ZNF444: variants seen among roughly 807,000 people sequenced by gnomAD.
The protein encoded by ZNF444 is zinc finger protein 444.
In ZNF444, 8 loss-of-function variants were observed where a neutral mutation model predicts 14.4. The ratio of observed to expected loss-of-function variants is 0.56; its 90% CI spans 0.33 to 1.00. The LOEUF (loss-of-function observed/expected upper bound fraction) is 1.00, where lower values mean the gene tolerates loss of function less well. ZNF444 is among the 50% of genes least tolerant of loss of function. The pLI, the probability that ZNF444 is intolerant of heterozygous loss-of-function variation, is 0.03. For missense variants in ZNF444, 510 were observed against 504.8 expected (o/e 1.01, Z -0.10); for synonymous variants, 258 against 235.9 (o/e 1.09, Z -0.86).
At chr19:56,132,922 T>TC (rs1415040686) in intron 1 of ZNF444, 2 of 77,120 alleles carry the variant, frequency 2.6e-5, no homozygotes, top group Non-Finnish European at 5.7e-5. Flanking sequence ...TCTTTTTCTT[T>TC]CTTTCTTTCT....
At chr19:56,132,866 C>A (rs2030512094) in intron 1 of ZNF444, 1 of 152,068 alleles carries the variant, frequency 6.6e-6, no homozygotes, top group African/African-American at 2.4e-5. Flanking sequence ...GGTGGAAAAC[C>A]TGCTGCCGGA....
upstream of ZNF444, among the ~76,000 whole-genome samples, chr19:56,136,863 C>A (rs922230434): frequency 3.4e-4 from 52 of 152,074 alleles, 2 homozygotes; most frequent in Non-Finnish European, 8.8e-5. Context: ...CTCACCGCAA[C>A]CTCTGCCTCC....
In ZNF444 at chr19:56,159,896, G is replaced by C; in HGVS notation, c.679G>C (p.Asp227His). The change falls in exon 5 of 5, where the codon GAC becomes CAC. Residue 227 changes from aspartate to histidine, a missense_variant. Coordinates refer to ENST00000337080, the MANE Select transcript of ZNF444 (RefSeq NM_018337.4). Reference sequence around the variant, plus strand: ...CAAGGAGCACCTGCGGCGCCACCGCGACACGCACCCCGGCAGCCCCGGCAG... The same window carrying C: ...CAAGGAGCACCTGCGGCGCCACCGCCACACGCACCCCGGCAGCCCCGGCAG... ...RRKEHLRRHR[D>H]THPGSPGSPG... 1 of 1,520,248 alleles carries C rather than the reference G, an allele frequency of 6.6e-7. No individual in the cohort carries two copies. The highest frequency in any genetic ancestry group is 8.8e-7 in the Non-Finnish European group (1 of 1,140,290). 94.2% of individuals were successfully genotyped at this position (1,520,248 alleles called of 1,614,324 possible).
At chr19:56,148,390 A>T (rs941269326) in intron 3 of ZNF444, among the ~76,000 whole-genome samples, 16 of 151,786 alleles carry the variant, frequency 1.1e-4, no homozygotes, top group Non-Finnish European at 2.4e-4. Flanking sequence ...TGTTCCTCAT[A>T]AGTGCGTACC....
At chr19:56,140,312 T>C (rs1023395242), upstream of ZNF444, among the ~76,000 whole-genome samples, 2 of 57,496 alleles carry the variant, frequency 3.5e-5, no homozygotes, top group Admixed American at 4.2e-4. Flanking sequence ...CATAATCAGG[T>C]CTGGAACTGT....
upstream of ZNF444, among the ~76,000 whole-genome samples, chr19:56,140,195 G>A (rs1306504090): frequency 1.3e-5 from 2 of 152,106 alleles, no homozygotes; most frequent in Non-Finnish European, 2.9e-5. Context: ...TTTATGGCGC[G>A]GAGTCTTCAG....
chr19:56,158,414 C>A, intron 3 of ZNF444, 80 bp from the exon 4 acceptor site: 1 of 1,326,288 alleles, frequency 7.5e-7, no homozygotes, highest in Non-Finnish European at 1.0e-6. Context: ...GATTGCACAG[C>A]TGGTCGACGG....
intron 1 of ZNF444, chr19:56,141,661 G>GGAGGGGCGGGA (rs2030824717): frequency 8.3e-6 from 1 of 120,294 alleles, no homozygotes; most frequent in Admixed American, 8.2e-5. Context: ...AGGGGGAGGG[G>GGAGGGGCGGGA]CGGGACGGGG....
At position 56,160,227 on chromosome 19, in the gene ZNF444, C is replaced by A; in HGVS notation, c.*26C>A. 7.1e-7 allele frequency: 1 copy of A among 1,412,420 alleles called. No individual in the cohort carries two copies. Among genetic ancestry groups the A allele is most frequent in the South Asian group, 1.5e-5 (1 of 65,512 alleles). The allele number at this position is 1,412,420 out of a possible 1,614,324, so 87.5% of individuals were successfully genotyped here. A position where few individuals can be genotyped will look rare whatever the true frequency, so the allele number is the denominator to read the frequency against. On this transcript the variant is annotated 3_prime_UTR_variant, in exon 5 of 5. Transcript: ENST00000337080. The stretch of plus-strand genomic sequence containing the variant: ...CCGCCTCCCGGCCAGCGCCATCTCC[C>A]GCCCTTGGTGCTGCCCCCGGGCGGT...
chr19:56,144,085 G>A lies in ZNF444; in HGVS notation c.-196-2162G>A, dbSNP rs532631473. 6.6e-6 allele frequency among the ~76,000 whole-genome samples: 1 copy of A among 152,264 alleles called. No individual in the cohort carries two copies. The highest frequency in any genetic ancestry group is 2.4e-5 in the African/African-American group (1 of 41,538). ...GCACTTTGAGAGGCTGAGGTGGGAG[G>A]ATCACTTGAGTCCAGCAGTTTGAGA... On this transcript the variant is annotated intron_variant, in intron 1 of 4. Coordinates refer to ENST00000337080, the MANE Select transcript of ZNF444 (RefSeq NM_018337.4). This position sits in a 1 kb window ranked among gnomAD's most constrained non-coding sequence, Gnocchi z 4.0.
In ZNF444 at chr19:56,145,284, C is replaced by T. The variant is rs1177170716; in HGVS notation, c.-196-963C>T. Among the ~76,000 whole-genome samples, 1 of 152,200 alleles carries T rather than the reference C, an allele frequency of 6.6e-6. No individual in the cohort carries two copies. Among genetic ancestry groups the T allele is most frequent in the Non-Finnish European group, 1.5e-5 (1 of 68,052 alleles). On this transcript the variant is annotated intron_variant, in intron 1 of 4. Coordinates refer to ENST00000337080, the MANE Select transcript of ZNF444 (RefSeq NM_018337.4). The surrounding 1 kb of genome is among the most constrained non-coding windows in gnomAD (Gnocchi z 4.3). ...GAAAATTGTAAAGTATTTATTAATG[C>T]ATTTAAAAATGGCAATCACGGCTGG...
chr19:56,134,799 C>T (rs1289281477), intron 1 of ZNF444, among the ~76,000 whole-genome samples: 1 of 151,126 alleles, frequency 6.6e-6, no homozygotes, highest in East Asian at 1.9e-4. Context: ...AATTAAAATG[C>T]AGAGCCCTGT....
rs948223585 is a variant in ZNF444 at position 56,147,244 on chromosome 19, G to A, written c.297+36G>A. 1 of 1,400,440 alleles carries A rather than the reference G, an allele frequency of 7.1e-7. No homozygotes were observed. The highest frequency in any genetic ancestry group is 9.2e-7 in the Non-Finnish European group (1 of 1,083,194). 86.8% of individuals were successfully genotyped at this position (1,400,440 alleles called of 1,614,324 possible). ...CGGGACTGCAAGCGGGGAAGGGAGAGGGGAAGGTGCCAGGGAAGCCACCAG... is the reference window on the plus strand; with the variant it reads ...CGGGACTGCAAGCGGGGAAGGGAGAAGGGAAGGTGCCAGGGAAGCCACCAG... On this transcript the variant is annotated intron_variant, in intron 3 of 4. Transcript: ENST00000337080. The surrounding 1 kb of genome is among the most constrained non-coding windows in gnomAD (Gnocchi z 5.9).
rs10419088 is a variant in ZNF444, at chr19:56,145,540, C to T, written c.-196-707C>T. Among the ~76,000 whole-genome samples, 23 of 152,098 alleles carry T rather than the reference C, an allele frequency of 1.5e-4. No individual in the cohort carries two copies. Among genetic ancestry groups the T allele is most frequent in the African/African-American group, 3.9e-4 (16 of 41,470 alleles). On this transcript the variant is annotated intron_variant, in intron 1 of 4. Coordinates refer to ENST00000337080, the MANE Select transcript of ZNF444 (RefSeq NM_018337.4). The surrounding 1 kb of genome is among the most constrained non-coding windows in gnomAD (Gnocchi z 4.3). ...GGCGGAGGTTGCAGTGAACCAAGATCGCACCATTGCACTCCATCCTGGGCA... is the reference window on the plus strand; with the variant it reads ...GGCGGAGGTTGCAGTGAACCAAGATTGCACCATTGCACTCCATCCTGGGCA...
In ZNF444 at chr19:56,144,317, GAAAA is replaced by G. The variant is rs1282052090; in HGVS notation, c.-196-1927_-196-1924del. 2.0e-5 allele frequency among the ~76,000 whole-genome samples: 3 copies of G among 151,190 alleles called. No individual in the cohort carries two copies. Among genetic ancestry groups the G allele is most frequent in the African/African-American group, 7.3e-5 (3 of 40,978 alleles). ...GAGAGAGACCCTGTCTTAAAAAAAA[GAAAA>G]AAGAAAAAAAGGGATCCATTGTGGC... On this transcript the variant is annotated intron_variant, in intron 1 of 4. Coordinates refer to ENST00000337080, the MANE Select transcript of ZNF444 (RefSeq NM_018337.4). This position sits in a 1 kb window ranked among gnomAD's most constrained non-coding sequence, Gnocchi z 4.0.
chr19:56,144,251 A>C lies in ZNF444; in HGVS notation c.-196-1996A>C, dbSNP rs2031022039. Among the ~76,000 whole-genome samples, 1 of 152,066 alleles carries C rather than the reference A, an allele frequency of 6.6e-6. No homozygotes were observed. On this transcript the variant is annotated intron_variant, in intron 1 of 4. Transcript: ENST00000337080. The surrounding 1 kb of genome is among the most constrained non-coding windows in gnomAD (Gnocchi z 4.0). Reference sequence around the variant, plus strand: ...TTGAGCCCAGGAGGTCGGGGCTGCAATGAGCCGAGAGGTCATGCCACCGCT... The same window carrying C: ...TTGAGCCCAGGAGGTCGGGGCTGCACTGAGCCGAGAGGTCATGCCACCGCT...
rs570897855 is a variant in ZNF444, at chr19:56,147,043, G to A, written c.132G>A (p.Leu44=). The change falls in exon 3 of 5, where the codon CTG becomes CTA. Residue 44 remains leucine, a synonymous_variant. Coordinates refer to ENST00000337080, the MANE Select transcript of ZNF444 (RefSeq NM_018337.4). The surrounding 1 kb of genome is among the most constrained non-coding windows in gnomAD (Gnocchi z 5.9). ...PREALGLLRA[L]CRDWLRPEVH... ...AGGCGCTGGGGCTGCTCCGCGCCCT[G>A]TGCCGGGACTGGCTGCGGCCCGAGG... 320 of 1,554,830 alleles carry A rather than the reference G, an allele frequency of 2.1e-4. No individual in the cohort carries two copies. Among genetic ancestry groups the A allele is most frequent in the Admixed American group, 2.7e-4 (14 of 52,096 alleles).
At chr19:56,156,859 T>C (rs1182175336) in intron 3 of ZNF444, 1 of 152,304 alleles carries the variant, frequency 6.6e-6, no homozygotes, top group Non-Finnish European at 1.5e-5. Flanking sequence ...GCCCTGGATG[T>C]CTCTTCCTGT....
At chr19:56,158,887 C>T (rs916996353) in intron 4 of ZNF444, among the ~76,000 whole-genome samples, 3 of 151,816 alleles carry the variant, frequency 2.0e-5, no homozygotes, top group Non-Finnish European at 4.4e-5. Context: ...ATCCATCCCT[C>T]TATCATTCTC....
Sources: allele counts gnomAD v4.1 joint callset (sites outside exome capture counted in the v4.1 genomes callset), GRCh38; gene constraint gnomAD v4.1.1; non-coding constraint Gnocchi (gnomAD v3.1); transcripts MANE v1.5; gene names NCBI Gene and HGNC (gene_info 2026-07-23, HGNC 2026-07-21).